The following FAAH2 variants were observed in gnomAD, a reference collection of about 807,000 sequenced individuals.
FAAH2 encodes the protein fatty acid amide hydrolase 2.
Under a neutral mutation model 36.9 loss-of-function variants are expected in FAAH2, and 60 were observed. The observed-to-expected ratio is 1.63, with a 90% confidence interval of 1.32 to 2.02. The LOEUF is 2.02. Among genes scored for constraint, FAAH2 ranks in the 30% most tolerant of loss-of-function variants. The pLI is 0.00. For missense variants in FAAH2, 689 were observed against 397.5 expected (o/e 1.73, Z -6.23); for synonymous variants, 214 against 143.8 (o/e 1.49, Z -3.49).
At chrX:57,122,935 A>G in the FAAH2 span, among the ~76,000 whole-genome samples, 1 of 112,325 alleles carries the variant, frequency 8.9e-6, no homozygotes, top group Non-Finnish European at 1.9e-5. Context: ...AAGTTTATAC[A>G]ATTTTTATGG....
At chrX:57,157,489 C>T in the FAAH2 span, among the ~76,000 whole-genome samples, 3 of 111,509 alleles carry the variant, frequency 2.7e-5, no homozygotes, top group Non-Finnish European at 5.6e-5. Context: ...TGTTGCATTC[C>T]ACTGTGACAA....
chrX:57,378,976 T>A (rs761846310), intron 6 of FAAH2, among the ~76,000 whole-genome samples, 190 bp downstream of exon 6: 1 of 112,094 alleles, frequency 8.9e-6, no homozygotes, highest in Non-Finnish European at 1.9e-5. Context: ...CATGTAAAAG[T>A]ATTTTACTGA....
chrX:57,155,227 C>T, the FAAH2 span, among the ~76,000 whole-genome samples: 1 of 111,058 alleles, frequency 9.0e-6, no homozygotes, highest in African/African-American at 3.3e-5. Flanking sequence ...CCTAGTGCTC[C>T]CAAGAGAATA....
chrX:57,432,203 A>T (rs146261014), intron 8 of FAAH2, among the ~76,000 whole-genome samples, 166 bp downstream of exon 8: 2,895 of 111,661 alleles, frequency 0.026, 110 homozygotes, highest in African/African-American at 0.088. Flanking sequence ...CCTATACGGA[A>T]TAGGCATATA....
the FAAH2 span, among the ~76,000 whole-genome samples, chrX:57,230,497 C>A: frequency 8.9e-6 from 1 of 111,735 alleles, no homozygotes; most frequent in Non-Finnish European, 1.9e-5. Flanking sequence ...TTCTCTTTTT[C>A]CTATTTCTTT....
Position 57,331,638 on chromosome X carries a change from C to T in FAAH2, c.453C>T (p.Ala151=), listed in dbSNP as rs753739905. Residue 151 remains alanine (A), a synonymous_variant, in exon 4 of 11, where the codon GCC becomes GCT. Transcript: ENST00000374900. The part of the protein sequence containing the change: ...NSSGLMNRRD[A]IAKTDATVVA... ...CTGGACTCATGAACCGTCGTGATGC[C>T]ATTGCCAAAACAGATGCCACTGTGG... 5.0e-6 allele frequency: 6 copies of T among 1,211,641 alleles called. No homozygotes were observed. Among genetic ancestry groups the T allele is most frequent in the Non-Finnish European group, 6.7e-6 (6 of 895,341 alleles).
chrX:57,352,992 G>A (rs979468888), intron 5 of FAAH2, among the ~76,000 whole-genome samples: 5 of 110,600 alleles, frequency 4.5e-5, no homozygotes, highest in South Asian at 3.7e-4. Context: ...ATGCTCATAC[G>A]TCAGAAGAAT....
the FAAH2 span, among the ~76,000 whole-genome samples, chrX:57,267,913 G>T: frequency 8.9e-6 from 1 of 112,360 alleles, no homozygotes; most frequent in Admixed American, 9.4e-5. Context: ...GTGCACAAAT[G>T]CTAAAAACTC....
At chrX:57,269,590 T>G in the FAAH2 span, among the ~76,000 whole-genome samples, 1 of 111,507 alleles carries the variant, frequency 9.0e-6, no homozygotes, top group Non-Finnish European at 1.9e-5. Context: ...AACCATATAA[T>G]TATATGGATA....
chrX:57,209,606 G>A, the FAAH2 span, among the ~76,000 whole-genome samples: 1 of 111,429 alleles, frequency 9.0e-6, no homozygotes, highest in East Asian at 2.8e-4. Context: ...CAGTGGGAAT[G>A]AGTCTCTTTC....
intron 7 of FAAH2, among the ~76,000 whole-genome samples, chrX:57,419,886 G>A (rs1204094613): frequency 3.6e-5 from 4 of 111,613 alleles, no homozygotes; most frequent in African/African-American, 6.5e-5. Flanking sequence ...ATCTTGAATT[G>A]ATTTTTGTAT....
chrX:57,286,868 C>T lies in FAAH2; in HGVS notation c.43C>T (p.Arg15Trp), dbSNP rs779489870. Reference protein sequence around the residue: ...FTARIQLFLLRALGFLIGLVG... With the variant: ...FTARIQLFLLWALGFLIGLVG... ...CGCCCGCATTCAGTTGTTCCTCTTG[C>T]GGGCGCTAGGCTTTCTCATAGGCTT... Residue 15 changes from arginine to tryptophan, a missense_variant, in exon 1 of 11, where the codon CGG becomes TGG. Transcript: ENST00000374900. The T allele has an allele frequency of 4.2e-6, 5 of 1,191,124 alleles. No homozygotes were observed. The highest frequency in any genetic ancestry group is 1.9e-5 in the South Asian group (1 of 53,217).
the FAAH2 span, chrX:57,137,478 G>T: frequency 3.2e-6 from 1 of 317,041 alleles, no homozygotes; most frequent in Non-Finnish European, 4.2e-6. Flanking sequence ...GCCACGTTGG[G>T]CTGCCACCAG....
At chrX:57,425,403 C>T (rs1289148840) in intron 7 of FAAH2, among the ~76,000 whole-genome samples, 2 of 111,118 alleles carry the variant, frequency 1.8e-5, no homozygotes, top group Non-Finnish European at 3.8e-5. Context: ...AAAGTACTTA[C>T]CATGGCATAT....
chrX:57,300,237 T>C (rs2052306288), intron 2 of FAAH2, among the ~76,000 whole-genome samples: 1 of 111,593 alleles, frequency 9.0e-6, no homozygotes, highest in African/African-American at 3.3e-5. Flanking sequence ...CAAAACAGTA[T>C]GGTACTGGTA....
chrX:57,141,137 T>G, the FAAH2 span, among the ~76,000 whole-genome samples: 2 of 112,274 alleles, frequency 1.8e-5, no homozygotes, highest in Non-Finnish European at 3.8e-5. Context: ...TTGAGAGTTT[T>G]TTTCATGAAA....
At chrX:57,474,043 T>C (rs1298910019) in intron 10 of FAAH2, among the ~76,000 whole-genome samples, 2 of 111,633 alleles carry the variant, frequency 1.8e-5, no homozygotes, top group Non-Finnish European at 3.8e-5. Context: ...ATTACAATAG[T>C]GTTAGTTATT....
chrX:57,172,059 G>T, the FAAH2 span, among the ~76,000 whole-genome samples: 1 of 111,294 alleles, frequency 9.0e-6, no homozygotes, highest in Non-Finnish European at 1.9e-5. Context: ...TCACTTGATT[G>T]TAAGTATTTG....
At chrX:57,405,908 C>T (rs756139822) in intron 7 of FAAH2, among the ~76,000 whole-genome samples, 1 of 107,470 alleles carries the variant, frequency 9.3e-6, no homozygotes, top group East Asian at 2.9e-4. Context: ...AATTGAACTA[C>T]CTTACAATCT....
Sources: allele counts gnomAD v4.1 joint callset (sites outside exome capture counted in the v4.1 genomes callset), GRCh38; gene constraint gnomAD v4.1.1; transcripts MANE v1.5; gene names NCBI Gene and HGNC (gene_info 2026-07-23, HGNC 2026-07-21).